CDH6: variants seen among roughly 807,000 people sequenced by gnomAD.
CDH6 encodes cadherin 6.
In CDH6, 31 loss-of-function variants were observed where a neutral mutation model predicts 78.0. That is an observed-to-expected ratio of 0.40 (90% CI 0.30 to 0.54). CDH6 has a LOEUF of 0.54. Ranked by LOEUF, CDH6 falls within the 20% of genes least tolerant of loss-of-function variation. CDH6 has a pLI of 0.56. For synonymous variants in CDH6, 376 were observed against 368.8 expected, an observed-to-expected ratio of 1.02 and a Z score of -0.23; for missense variants, 724 against 975.9, an observed-to-expected ratio of 0.74 and a Z score of 3.44.
At chr5:31,211,669 T>C (rs1203174155) in intron 1 of CDH6, among the ~76,000 whole-genome samples, 1 of 152,186 alleles carries the variant, frequency 6.6e-6, no homozygotes, top group East Asian at 1.9e-4. Flanking sequence ...GGTTGTTTTT[T>C]TTCACAAATG....
chr5:31,269,435 C>G (rs552474150), intron 2 of CDH6, among the ~76,000 whole-genome samples: 1 of 152,266 alleles, frequency 6.6e-6, no homozygotes, highest in African/African-American at 2.4e-5. Context: ...ACAGTGCTGC[C>G]AGTTGCCAAT....
intron 1 of CDH6, among the ~76,000 whole-genome samples, chr5:31,199,475 T>C (rs1030904276): frequency 1.2e-4 from 11 of 93,486 alleles, no homozygotes; most frequent in South Asian, 4.2e-4. Context: ...TACACACACA[T>C]ATGTGTATAT....
chr5:31,225,714 C>T lies in CDH6; in HGVS notation c.-129+31828C>T, dbSNP rs184314786. Among the ~76,000 whole-genome samples the T allele has an allele frequency of 8.5e-5, 13 of 152,182 alleles. No homozygotes were observed. In the East Asian group the frequency reaches 2.5e-3, roughly 29 times the overall value. ...CATGATCCAGTCACCTCCCATCAGG[C>T]CTATCCTCCAACAGTGGGGATTACA... On this transcript the variant is annotated intron_variant, in intron 1 of 11. Coordinates refer to ENST00000265071, the MANE Select transcript of CDH6 (RefSeq NM_004932.4).
chr5:31,312,308 T>C (rs889509277), intron 7 of CDH6, among the ~76,000 whole-genome samples: 2 of 152,226 alleles, frequency 1.3e-5, no homozygotes, highest in African/African-American at 4.8e-5. Flanking sequence ...TTTTCACTCC[T>C]TTTTTCTCTG....
chr5:31,218,837 C>T (rs761694029), intron 1 of CDH6, among the ~76,000 whole-genome samples: 19 of 152,162 alleles, frequency 1.2e-4, no homozygotes, highest in Non-Finnish European at 2.1e-4. Flanking sequence ...TTCAAAAGCT[C>T]CCGTGGTTCC....
At chr5:31,302,402 T>C in intron 6 of CDH6, 104 bp downstream of exon 6, 1 of 885,172 alleles carries the variant, frequency 1.1e-6, no homozygotes, top group Non-Finnish European at 1.7e-6. Flanking sequence ...TCCTTTAGAT[T>C]TTTATTTTAC....
In CDH6 at chr5:31,323,407, C is replaced by A. The variant is rs1738528871; in HGVS notation, c.*99C>A. The A allele has an allele frequency of 7.2e-7, 1 of 1,388,740 alleles. No homozygotes were observed. Among genetic ancestry groups the A allele is most frequent in the Non-Finnish European group, 9.8e-7 (1 of 1,023,374 alleles). The allele number at this position is 1,388,740 out of a possible 1,614,324, so 86.0% of individuals were successfully genotyped here. A position where few individuals can be genotyped will look rare whatever the true frequency, so the allele number is the denominator to read the frequency against. On this transcript the variant is annotated 3_prime_UTR_variant, in exon 12 of 12. Coordinates refer to ENST00000265071, the MANE Select transcript of CDH6 (RefSeq NM_004932.4). ...CTCCGTGAAGGCTTCTCTGTTCTACCCGTTCCAAAAGCCAATGGCTGCAGT... is the reference window on the plus strand; with the variant it reads ...CTCCGTGAAGGCTTCTCTGTTCTACACGTTCCAAAAGCCAATGGCTGCAGT...
At chr5:31,287,048 G>T (rs1427255537) in intron 2 of CDH6, among the ~76,000 whole-genome samples, 1 of 152,118 alleles carries the variant, frequency 6.6e-6, no homozygotes, top group Non-Finnish European at 1.5e-5. Flanking sequence ...AGTGTAAGTT[G>T]TCTAAGAGAA....
At chr5:31,321,349 T>A (rs1738474439) in intron 11 of CDH6, among the ~76,000 whole-genome samples, 1 of 152,222 alleles carries the variant, frequency 6.6e-6, no homozygotes, top group South Asian at 2.1e-4. Flanking sequence ...AAAGTTACAT[T>A]TCCTTTGGAA....
rs1457935748 is a variant in CDH6, at chr5:31,305,159, A to C, written c.1000-15A>C. 6.3e-7 allele frequency: 1 copy of C among 1,597,232 alleles called. No homozygotes were observed. The highest frequency in any genetic ancestry group is 8.5e-7 in the Non-Finnish European group (1 of 1,171,988). On this transcript the variant is annotated splice_polypyrimidine_tract_variant and intron_variant, in intron 6 of 11. Coordinates refer to ENST00000265071, the MANE Select transcript of CDH6 (RefSeq NM_004932.4). ...CTTTAAATATGTCACTTCTTCCCCCACCCCCAACCTCAAGCTCTTGGACTT... is the reference window on the plus strand; with the variant it reads ...CTTTAAATATGTCACTTCTTCCCCCCCCCCCAACCTCAAGCTCTTGGACTT...
chr5:31,307,815 T>A (rs1235926454), intron 7 of CDH6, among the ~76,000 whole-genome samples: 2 of 152,208 alleles, frequency 1.3e-5, no homozygotes, highest in Non-Finnish European at 2.9e-5. Context: ...GGCAATATAT[T>A]TCCATATCTA....
intron 1 of CDH6, among the ~76,000 whole-genome samples, chr5:31,247,171 C>T (rs1741774824): frequency 6.6e-6 from 1 of 152,104 alleles, no homozygotes; most frequent in South Asian, 2.1e-4. Context: ...CAAAAGTTAT[C>T]GATGATCAAG....
At chr5:31,293,256 T>C (rs186344972) in intron 2 of CDH6, among the ~76,000 whole-genome samples, 2 of 152,288 alleles carry the variant, frequency 1.3e-5, no homozygotes, top group Admixed American at 1.3e-4. Context: ...TAAGTATAAA[T>C]ATGAAATGCT....
chr5:31,234,996 TG>T (rs1173526464), intron 1 of CDH6, among the ~76,000 whole-genome samples: 1 of 152,094 alleles, frequency 6.6e-6, no homozygotes, highest in Non-Finnish European at 1.5e-5. Context: ...GGCCTCCCTG[TG>T]GGGGTGAGGG....
chr5:31,211,546 T>C (rs1740704765), intron 1 of CDH6, among the ~76,000 whole-genome samples: 1 of 152,202 alleles, frequency 6.6e-6, no homozygotes, highest in African/African-American at 2.4e-5. Flanking sequence ...CAGATGTTTA[T>C]CTAAATCCAA....
At chr5:31,253,001 C>T (rs531447878) in intron 1 of CDH6, among the ~76,000 whole-genome samples, 71 of 152,290 alleles carry the variant, frequency 4.7e-4, no homozygotes, top group South Asian at 1.9e-3. Context: ...ATACCATGGA[C>T]TAAGTGGCTT....
intron 1 of CDH6, among the ~76,000 whole-genome samples, chr5:31,232,241 C>T (rs552421775): frequency 2.0e-5 from 3 of 152,302 alleles, no homozygotes; most frequent in South Asian, 2.1e-4. Flanking sequence ...CCAGCTGAGC[C>T]GTTTGAAGTT....
intron 11 of CDH6, chr5:31,318,209 C>T: frequency 5.1e-6 from 3 of 590,462 alleles, no homozygotes; most frequent in Non-Finnish European, 9.0e-6. Context: ...TTCAGGGCAA[C>T]ATAAATGTGC....
chr5:31,295,971 ACT>A (rs1160122115), intron 3 of CDH6, among the ~76,000 whole-genome samples: 2 of 152,036 alleles, frequency 1.3e-5, no homozygotes, highest in Non-Finnish European at 2.9e-5. Flanking sequence ...TGTTGACTTG[ACT>A]CACCCTAAAA....
Sources: allele counts gnomAD v4.1 joint callset (sites outside exome capture counted in the v4.1 genomes callset), GRCh38; gene constraint gnomAD v4.1.1; transcripts MANE v1.5; gene names NCBI Gene and HGNC (gene_info 2026-07-23, HGNC 2026-07-21).